Variants in CDK3 observed in about 807,000 individuals in gnomAD.
The protein encoded by CDK3 is cyclin dependent kinase 3.
Under a neutral mutation model 30.2 loss-of-function variants are expected in CDK3, and 24 were observed. The ratio of observed to expected loss-of-function variants is 0.79; its 90% CI spans 0.57 to 1.12. CDK3 has a LOEUF of 1.12. Among genes scored for constraint, CDK3 ranks in the 50% most tolerant of loss-of-function variants. CDK3 has a pLI of 0.00. For synonymous variants in CDK3, 158 were observed against 154.2 expected, an observed-to-expected ratio of 1.02 and a Z score of -0.18; for missense variants, 345 against 376.0, an observed-to-expected ratio of 0.92 and a Z score of 0.68.
Position 76,003,842 on chromosome 17 carries a change from A to T in CDK3, c.792+444A>T, listed in dbSNP as rs17880814. ...ACTGCAACTTCTGCCTCCTGGGTTC[A>T]AGTCATTCTCCTGCCTCAGCCTCCC... On this transcript the variant is annotated intron_variant, in intron 7 of 7. Transcript: ENST00000448471. Among the ~76,000 whole-genome samples the T allele has an allele frequency of 8.0e-3, 1,218 of 152,126 alleles. 10 individuals are homozygous for T. Among genetic ancestry groups the T allele is most frequent in the African/African-American group, 0.028 (1,161 of 41,490 alleles).
In CDK3 at chr17:76,001,898, T is replaced by C. The variant is rs2066263257; in HGVS notation, c.141T>C (p.Thr47=). 1 of 1,613,418 alleles carries C rather than the reference T, an allele frequency of 6.2e-7. No homozygotes were observed. The highest frequency in any genetic ancestry group is 8.5e-7 in the Non-Finnish European group (1 of 1,179,552). The change falls in exon 3 of 8, where the codon ACT becomes ACC. Residue 47 remains threonine, a synonymous_variant. Transcript: ENST00000448471. This position sits in a 1 kb window ranked among gnomAD's most constrained non-coding sequence, Gnocchi z 6.2. Reference sequence around the variant, plus strand: ...GGGAGATGGAGGGGGTCCCAAGCACTGCCATCAGGGAGATCTCGCTGCTCA... The same window carrying C: ...GGGAGATGGAGGGGGTCCCAAGCACCGCCATCAGGGAGATCTCGCTGCTCA... The part of the protein sequence containing the change: ...LDLEMEGVPS[T]AIREISLLKE...
At position 76,005,283 on chromosome 17, in the gene CDK3, CTTCT is replaced by C. The variant is rs778818115; in HGVS notation, c.793-9_793-6del. ...GCTGCACCCAGACCACATCTTCTTC[CTTCT>C]TTCTTCCTAGCAACTCCTGCAGTAT... On this transcript the variant is annotated splice_polypyrimidine_tract_variant and intron_variant, in intron 7 of 7. Coordinates refer to ENST00000448471, the MANE Select transcript of CDK3 (RefSeq NM_001258.4). This position sits in a 1 kb window ranked among gnomAD's most constrained non-coding sequence, Gnocchi z 4.7. The C allele has an allele frequency of 3.7e-6, 6 of 1,612,746 alleles. No homozygotes were observed. The highest frequency in any genetic ancestry group is 5.1e-6 in the Non-Finnish European group (6 of 1,179,222).
chr17:76,005,533 C>G lies in CDK3; in HGVS notation c.*110C>G. The G allele has an allele frequency of 1.5e-6, 2 of 1,322,188 alleles. No individual in the cohort carries two copies. Among genetic ancestry groups the G allele is most frequent in the South Asian group, 2.8e-5 (2 of 72,488 alleles). 81.9% of individuals were successfully genotyped at this position (1,322,188 alleles called of 1,614,324 possible). A position where few individuals can be genotyped will look rare whatever the true frequency, so the allele number is the denominator to read the frequency against. On this transcript the variant is annotated 3_prime_UTR_variant, in exon 8 of 8. Coordinates refer to ENST00000448471, the MANE Select transcript of CDK3 (RefSeq NM_001258.4). This position sits in a 1 kb window ranked among gnomAD's most constrained non-coding sequence, Gnocchi z 4.7. ...GGGGAGAGCAAAGCACTAAGGAATT[C>G]AGCATCAGCCTGCAGAGGGCTGAGT...
rs1225186933 is a variant in CDK3, at chr17:76,002,173, G to A, written c.315+31G>A. ...GAAGGAAGGGCAGGGAAGGAGAGGT[G>A]ACACCCCATCCCTGCCATCCCTGTC... On this transcript the variant is annotated intron_variant, in intron 4 of 7. Coordinates refer to ENST00000448471, the MANE Select transcript of CDK3 (RefSeq NM_001258.4). This position sits in a 1 kb window ranked among gnomAD's most constrained non-coding sequence, Gnocchi z 4.3. 6.2e-7 allele frequency: 1 copy of A among 1,613,314 alleles called. No individual in the cohort carries two copies. Among genetic ancestry groups the A allele is most frequent in the South Asian group, 1.1e-5 (1 of 91,024 alleles).
rs576248413 is a variant in CDK3 at position 76,002,741 on chromosome 17, G to A, written c.588+129G>A. 5.5e-5 allele frequency: 35 copies of A among 637,372 alleles called. No homozygotes were observed. Among genetic ancestry groups the A allele is most frequent in the African/African-American group, 3.4e-4 (19 of 55,742 alleles). 39.5% of individuals were successfully genotyped at this position (637,372 alleles called of 1,614,324 possible). A position where few individuals can be genotyped will look rare whatever the true frequency, so the allele number is the denominator to read the frequency against. ...TTGGGGCTGGACATGGCTCACGCCC[G>A]TAATCCCAGCACTTTGGGAGGCTGA... On this transcript the variant is annotated intron_variant, in intron 6 of 7. Transcript: ENST00000448471. This position sits in a 1 kb window ranked among gnomAD's most constrained non-coding sequence, Gnocchi z 4.3.
chr17:76,005,294 C>G lies in CDK3; in HGVS notation c.793-4C>G, dbSNP rs1300198245. On this transcript the variant is annotated splice_polypyrimidine_tract_variant and splice_region_variant and intron_variant, in intron 7 of 7. Transcript: ENST00000448471. This position sits in a 1 kb window ranked among gnomAD's most constrained non-coding sequence, Gnocchi z 4.7. Reference sequence around the variant, plus strand: ...ACCACATCTTCTTCCTTCTTTCTTCCTAGCAACTCCTGCAGTATGACCCCA... The same window carrying G: ...ACCACATCTTCTTCCTTCTTTCTTCGTAGCAACTCCTGCAGTATGACCCCA... 1.9e-6 allele frequency: 3 copies of G among 1,613,260 alleles called. No individual in the cohort carries two copies. The highest frequency in any genetic ancestry group is 2.7e-5 in the African/African-American group (2 of 74,918).
In CDK3 at chr17:76,005,997, G is replaced by A. The variant is rs962434650; in HGVS notation, c.*574G>A. 6.5e-6 allele frequency: 1 copy of A among 153,056 alleles called. No individual in the cohort carries two copies. The highest frequency in any genetic ancestry group is 3.4e-3 in the Middle Eastern group (1 of 298). 9.5% of individuals were successfully genotyped at this position (153,056 alleles called of 1,614,324 possible). On this transcript the variant is annotated 3_prime_UTR_variant, in exon 8 of 8. Coordinates refer to ENST00000448471, the MANE Select transcript of CDK3 (RefSeq NM_001258.4). The surrounding 1 kb of genome is among the most constrained non-coding windows in gnomAD (Gnocchi z 4.7). ...CAATAAATAAACGTGGTATGTTCCT[G>A]AGTTTTCTGATTGTTCTGCTCACAG... is the stretch of plus-strand genomic sequence containing the variant.
In CDK3 at chr17:76,005,455, G is replaced by C. The variant is rs546544216; in HGVS notation, c.*32G>C. 1.9e-6 allele frequency: 3 copies of C among 1,596,308 alleles called. No individual in the cohort carries two copies. In the East Asian group the frequency reaches 6.7e-5, roughly 36 times the overall value. ...CAAGGCCACACTCAGATCCTTTCTC[G>C]AGCAGCTGCTGCCCCAGCTGCCTCC... On this transcript the variant is annotated 3_prime_UTR_variant, in exon 8 of 8. Transcript: ENST00000448471. This position sits in a 1 kb window ranked among gnomAD's most constrained non-coding sequence, Gnocchi z 4.7.
At position 76,002,017 on chromosome 17, in the gene CDK3, G is replaced by C. The variant is rs2066264645; in HGVS notation, c.195-5G>C. 8 of 1,613,976 alleles carry C rather than the reference G, an allele frequency of 5.0e-6. No homozygotes were observed. The highest frequency in any genetic ancestry group is 6.8e-6 in the Non-Finnish European group (8 of 1,180,010). ...GTAGCATCCTGACTGCCATCTCCCT[G>C]TCAGACTGCTGGACGTGGTGCACAA... is the stretch of plus-strand genomic sequence containing the variant. On this transcript the variant is annotated splice_polypyrimidine_tract_variant and splice_region_variant and intron_variant, in intron 3 of 7. Coordinates refer to ENST00000448471, the MANE Select transcript of CDK3 (RefSeq NM_001258.4). The surrounding 1 kb of genome is among the most constrained non-coding windows in gnomAD (Gnocchi z 4.3).
In CDK3 at chr17:76,001,151, G is replaced by A. The variant is rs2066254803; in HGVS notation, c.-15+184G>A. 2.3e-6 allele frequency: 3 copies of A among 1,305,404 alleles called. No individual in the cohort carries two copies. Among genetic ancestry groups the A allele is most frequent in the Non-Finnish European group, 2.9e-6 (3 of 1,018,238 alleles). The allele number at this position is 1,305,404 out of a possible 1,614,324, so 80.9% of individuals were successfully genotyped here. A position where few individuals can be genotyped will look rare whatever the true frequency, so the allele number is the denominator to read the frequency against. ...AGGCCGGGCATGGGCGAGAAGCCTG[G>A]GGGTCCTGGCTGAACTGGGCTGGGT... On this transcript the variant is annotated intron_variant, in intron 1 of 7. Coordinates refer to ENST00000448471, the MANE Select transcript of CDK3 (RefSeq NM_001258.4). The surrounding 1 kb of genome is among the most constrained non-coding windows in gnomAD (Gnocchi z 6.2).
chr17:76,002,537 C>G lies in CDK3; in HGVS notation c.513C>G (p.Pro171=), dbSNP rs374751140. The G allele has an allele frequency of 2.6e-6, 3 of 1,163,854 alleles. No individual in the cohort carries two copies. The East Asian group carries it at 7.0e-5, about 27-fold the overall frequency. 72.1% of individuals were successfully genotyped at this position (1,163,854 alleles called of 1,614,324 possible). A position where few individuals can be genotyped will look rare whatever the true frequency, so the allele number is the denominator to read the frequency against. ...TGGTGACACTGTGGTATCGCGCCCC[C>G]GAGATTCTCTTGGGCAGCAAGTTCT... ...HEVVTLWYRA[P]EILLGSKFYT... The change falls in exon 6 of 8, where the codon CCC becomes CCG. Residue 171 remains proline, a synonymous_variant. Transcript: ENST00000448471. This position sits in a 1 kb window ranked among gnomAD's most constrained non-coding sequence, Gnocchi z 4.3.
rs754183853 is a variant in CDK3, at chr17:76,002,109, C to T, written c.282C>T (p.Thr94=). The change falls in exon 4 of 8, where the codon ACC becomes ACT. Residue 94 remains threonine (T), a synonymous_variant. Coordinates refer to ENST00000448471, the MANE Select transcript of CDK3 (RefSeq NM_001258.4). The surrounding 1 kb of genome is among the most constrained non-coding windows in gnomAD (Gnocchi z 4.3). ...SQDLKKYMDS[T]PGSELPLHLI... is the part of the protein sequence containing the mutation. Reference sequence around the variant, plus strand: ...ACCTGAAGAAGTACATGGACTCCACCCCAGGCTCAGAGCTCCCCCTGCACC... The same window carrying T: ...ACCTGAAGAAGTACATGGACTCCACTCCAGGCTCAGAGCTCCCCCTGCACC... The T allele has an allele frequency of 1.9e-6, 3 of 1,613,948 alleles. No homozygotes were observed. Among genetic ancestry groups the T allele is most frequent in the Non-Finnish European group, 1.7e-6 (2 of 1,179,988 alleles).
rs768393521 is a variant in CDK3, at chr17:76,001,357, G to A, written c.-14-55G>A. Reference sequence around the variant, plus strand: ...AGGGCGCCACATGGAAGCTGGAGGAGCAACGGGAGCGCTGGGCGTGGGGTG... The same window carrying A: ...AGGGCGCCACATGGAAGCTGGAGGAACAACGGGAGCGCTGGGCGTGGGGTG... On this transcript the variant is annotated intron_variant, in intron 1 of 7. Coordinates refer to ENST00000448471, the MANE Select transcript of CDK3 (RefSeq NM_001258.4). This position sits in a 1 kb window ranked among gnomAD's most constrained non-coding sequence, Gnocchi z 6.2. 1 of 1,607,326 alleles carries A rather than the reference G, an allele frequency of 6.2e-7. No homozygotes were observed. The highest frequency in any genetic ancestry group is 1.7e-5 in the Admixed American group (1 of 58,968).
chr17:76,003,121 T>C lies in CDK3; in HGVS notation c.589-74T>C, dbSNP rs1013248047. On this transcript the variant is annotated intron_variant, in intron 6 of 7. Coordinates refer to ENST00000448471, the MANE Select transcript of CDK3 (RefSeq NM_001258.4). ...ATCTTGACAGGCCTCTCCCTGGGTC[T>C]GGCCACTTATCTGGTATTGGATTCT... 4 of 1,251,418 alleles carry C rather than the reference T, an allele frequency of 3.2e-6. No homozygotes were observed. In the East Asian group the frequency reaches 9.3e-5, roughly 29 times the overall value. The allele number at this position is 1,251,418 out of a possible 1,614,324, so 77.5% of individuals were successfully genotyped here.
At position 76,005,734 on chromosome 17, in the gene CDK3, C is replaced by CA; in HGVS notation, c.*312dup. On this transcript the variant is annotated 3_prime_UTR_variant, in exon 8 of 8. Transcript: ENST00000448471. The surrounding 1 kb of genome is among the most constrained non-coding windows in gnomAD (Gnocchi z 4.7). ...AGCTGGGTGTGGGTATTCAGGCCCT[C>CA]ACCTGCCCTGCCTGCAGGGCCAGAC... is the stretch of plus-strand genomic sequence containing the variant. The CA allele has an allele frequency of 3.4e-6, 1 of 291,914 alleles. No individual in the cohort carries two copies. The highest frequency in any genetic ancestry group is 5.9e-5 in the South Asian group (1 of 16,888). 18.1% of individuals were successfully genotyped at this position (291,914 alleles called of 1,614,324 possible).
chr17:76,002,528 T>C lies in CDK3; in HGVS notation c.504T>C (p.Tyr168=), dbSNP rs1182244431. The change falls in exon 6 of 8, where the codon TAT becomes TAC. Residue 168 remains tyrosine, a synonymous_variant. Transcript: ENST00000448471. This position sits in a 1 kb window ranked among gnomAD's most constrained non-coding sequence, Gnocchi z 4.3. ...TYTHEVVTLW[Y]RAPEILLGSK... ...CCCTGCAGGTGGTGACACTGTGGTA[T>C]CGCGCCCCCGAGATTCTCTTGGGCA... 1 of 1,248,164 alleles carries C rather than the reference T, an allele frequency of 8.0e-7. No homozygotes were observed. The highest frequency in any genetic ancestry group is 1.2e-5 in the South Asian group (1 of 83,842). 77.3% of individuals were successfully genotyped at this position (1,248,164 alleles called of 1,614,324 possible).
chr17:76,005,303 C>T lies in CDK3; in HGVS notation c.798C>T (p.Leu266=). ...TCTTCCTTCTTTCTTCCTAGCAACT[C>T]CTGCAGTATGACCCCAGCCAGCGGA... is the stretch of plus-strand genomic sequence containing the variant. ...EPEGRDLLMQ[L]LQYDPSQRIT... is the part of the protein sequence containing the mutation. The change falls in exon 8 of 8, where the codon CTC becomes CTT. Residue 266 remains leucine (L), a synonymous_variant. Coordinates refer to ENST00000448471, the MANE Select transcript of CDK3 (RefSeq NM_001258.4). The surrounding 1 kb of genome is among the most constrained non-coding windows in gnomAD (Gnocchi z 4.7). The T allele has an allele frequency of 6.2e-7, 1 of 1,613,998 alleles. No homozygotes were observed. Among genetic ancestry groups the T allele is most frequent in the Non-Finnish European group, 8.5e-7 (1 of 1,179,920 alleles).
Position 76,002,062 on chromosome 17 carries a change from G to C in CDK3, c.235G>C (p.Val79Leu), listed in dbSNP as rs1414525777. 6.2e-7 allele frequency: 1 copy of C among 1,613,906 alleles called. No individual in the cohort carries two copies. Among genetic ancestry groups the C allele is most frequent in the Non-Finnish European group, 8.5e-7 (1 of 1,180,018 alleles). ...GCACAACGAGAGGAAGCTCTATCTG[G>C]TGTTTGAGTTCCTCAGCCAGGACCT... is the stretch of plus-strand genomic sequence containing the variant. ...VVHNERKLYL[V>L]FEFLSQDLKK... The change falls in exon 4 of 8, where the codon GTG (valine) becomes CTG (leucine). Residue 79 changes from valine (V) to leucine (L), a missense_variant. Coordinates refer to ENST00000448471, the MANE Select transcript of CDK3 (RefSeq NM_001258.4). The surrounding 1 kb of genome is among the most constrained non-coding windows in gnomAD (Gnocchi z 4.3).
intron 7 of CDK3, among the ~76,000 whole-genome samples, chr17:76,004,319 A>G (rs1270668760): frequency 7.0e-6 from 1 of 143,578 alleles, no homozygotes; most frequent in African/African-American, 2.6e-5. Context: ...CCCAGGCACA[A>G]GCGATCCTCC....
Sources: gnomAD v4.1 joint callset for allele counts (sites outside exome capture counted in the v4.1 genomes callset) on GRCh38, gnomAD v4.1.1 for gene constraint, Gnocchi (gnomAD v3.1) non-coding constraint, MANE v1.5 for transcripts, NCBI Gene and HGNC (gene_info 2026-07-23, HGNC 2026-07-21) for gene names.